CTTNBP2: variants seen among roughly 807,000 people sequenced by gnomAD.
CTTNBP2 encodes the protein cortactin binding protein 2.
Under a neutral mutation model 156.9 loss-of-function variants are expected in CTTNBP2, and 108 were observed. That is an observed-to-expected ratio of 0.69 (90% CI 0.59 to 0.81). The LOEUF is 0.81. Ranked by LOEUF, CTTNBP2 falls within the 30% of genes least tolerant of loss-of-function variation. The pLI is 0.00. For synonymous variants in CTTNBP2, 767 were observed against 751.8 expected (o/e 1.02, Z -0.33); for missense variants, 1,924 against 2,035.4 (o/e 0.95, Z 1.05).
chr7:117,820,519 A>G (rs2117023197), intron 2 of CTTNBP2, among the ~76,000 whole-genome samples: 1 of 152,316 alleles, frequency 6.6e-6, no homozygotes, highest in Non-Finnish European at 1.5e-5. Flanking sequence ...TTAGCTTTTA[A>G]GTTCATGATC....
intron 3 of CTTNBP2, among the ~76,000 whole-genome samples, chr7:117,800,127 C>A (rs533220534): frequency 3.3e-5 from 5 of 151,854 alleles, no homozygotes; most frequent in African/African-American, 7.3e-5. Context: ...TTTGGAGAAG[C>A]CAAATTGCCT....
chr7:117,739,629 G>A (rs980764105), intron 14 of CTTNBP2, among the ~76,000 whole-genome samples: 2 of 152,134 alleles, frequency 1.3e-5, no homozygotes, highest in Admixed American at 6.5e-5. Flanking sequence ...TTAGCATATC[G>A]CATTTCTAGC....
At chr7:117,839,009 T>A (rs970441200) in intron 2 of CTTNBP2, among the ~76,000 whole-genome samples, 81 of 151,910 alleles carry the variant, frequency 5.3e-4, no homozygotes, top group African/African-American at 1.6e-3. Flanking sequence ...AGGATTTTTT[T>A]AAAATCTTTA....
intron 1 of CTTNBP2, among the ~76,000 whole-genome samples, chr7:117,871,319 G>A (rs1376510883): frequency 6.6e-6 from 1 of 152,158 alleles, no homozygotes; most frequent in African/African-American, 2.4e-5. Context: ...ACTATTTGGA[G>A]AACTAAAATA....
intron 19 of CTTNBP2, among the ~76,000 whole-genome samples, chr7:117,722,824 G>A (rs1794879286): frequency 6.6e-6 from 1 of 152,120 alleles, no homozygotes; most frequent in Non-Finnish European, 1.5e-5. Context: ...AGGGTGTTGT[G>A]GACTACAGAA....
At chr7:117,742,514 G>A (rs1365125136) in intron 14 of CTTNBP2, among the ~76,000 whole-genome samples, 1 of 152,154 alleles carries the variant, frequency 6.6e-6, no homozygotes, top group Non-Finnish European at 1.5e-5. Flanking sequence ...GAAATCACAG[G>A]GATTTTAATC....
chr7:117,813,752 C>T (rs186488184), intron 2 of CTTNBP2, among the ~76,000 whole-genome samples: 3 of 152,262 alleles, frequency 2.0e-5, no homozygotes, highest in East Asian at 1.9e-4. Context: ...CTCTGAACCC[C>T]TTTTCTCTTC....
chr7:117,724,842 A>G, intron 18 of CTTNBP2, 110 bp from the exon 19 acceptor site: 1 of 1,314,864 alleles, frequency 7.6e-7, no homozygotes, highest in Non-Finnish European at 1.0e-6. Context: ...TTTATTTAGT[A>G]TCCAAGCTGG....
Position 117,760,577 on chromosome 7 carries a change from T to G in CTTNBP2, c.3030A>C (p.Ser1010=), listed in dbSNP as rs778671455. The G allele has an allele frequency of 3.1e-6, 5 of 1,614,170 alleles. No homozygotes were observed. In the East Asian group the frequency reaches 1.1e-4, roughly 36 times the overall value. The change falls in exon 10 of 23, where the codon TCA becomes TCC. Residue 1010 remains serine (S), a synonymous_variant. Coordinates refer to ENST00000160373, the MANE Select transcript of CTTNBP2 (RefSeq NM_033427.3). ...IRKQTSWDDF[S]KAVSQALTNH... Reference sequence around the variant, plus strand: ...TTGTCAGAGCTTGACTCACTGCTTTTGAAAAATCATCCCATGATGTCTGTT... The same window carrying G: ...TTGTCAGAGCTTGACTCACTGCTTTGGAAAAATCATCCCATGATGTCTGTT...
chr7:117,741,807 C>G (rs980078411), intron 14 of CTTNBP2, among the ~76,000 whole-genome samples: 1 of 152,202 alleles, frequency 6.6e-6, no homozygotes, highest in African/African-American at 2.4e-5. Flanking sequence ...CTTTCTACCT[C>G]GACTCTAAGC....
At chr7:117,745,532 T>C (rs556557668) in intron 14 of CTTNBP2, among the ~76,000 whole-genome samples, 1 of 152,308 alleles carries the variant, frequency 6.6e-6, no homozygotes, top group Admixed American at 6.5e-5. Flanking sequence ...CAATACCTAG[T>C]CCAGCTAGGG....
chr7:117,717,413 C>A (rs990649105), intron 22 of CTTNBP2, among the ~76,000 whole-genome samples: 1 of 151,112 alleles, frequency 6.6e-6, no homozygotes, highest in Non-Finnish European at 1.5e-5. Context: ...ATGCAGGAAA[C>A]CTTAGGAACA....
In CTTNBP2 at chr7:117,721,062, C is replaced by T; in HGVS notation, c.4511+5G>A. The T allele has an allele frequency of 1.3e-6, 2 of 1,575,974 alleles. No individual in the cohort carries two copies. Among genetic ancestry groups the T allele is most frequent in the South Asian group, 2.2e-5 (2 of 90,190 alleles). ...CTGTGAGTTAAATTTGAAAGGGGAA[C>T]TTACTTTTGTTTTGACAGAGAAGCA... On this transcript the variant is annotated splice_donor_5th_base_variant and intron_variant, in intron 20 of 22. Transcript: ENST00000160373.
intron 3 of CTTNBP2, among the ~76,000 whole-genome samples, chr7:117,795,561 G>A (rs1315436853): frequency 6.6e-6 from 1 of 152,146 alleles, no homozygotes; most frequent in East Asian, 1.9e-4. Context: ...TGTCAGTCAT[G>A]GCAATCACTC....
intron 8 of CTTNBP2, among the ~76,000 whole-genome samples, chr7:117,775,030 C>G (rs1301936163): frequency 6.6e-6 from 1 of 152,012 alleles, no homozygotes; most frequent in Non-Finnish European, 1.5e-5. Context: ...ATATCTTTGA[C>G]TAGGGGAGAA....
At chr7:117,869,867 A>C (rs1804461359) in intron 1 of CTTNBP2, among the ~76,000 whole-genome samples, 1 of 152,132 alleles carries the variant, frequency 6.6e-6, no homozygotes, top group South Asian at 2.1e-4. Context: ...TATTCCAGTC[A>C]ATTTCCTCAA....
intron 2 of CTTNBP2, among the ~76,000 whole-genome samples, chr7:117,832,807 C>T (rs1463002879): frequency 2.9e-5 from 4 of 136,594 alleles, no homozygotes; most frequent in East Asian, 2.2e-4. Context: ...AGTACAGTGG[C>T]GCAATCTCAG....
intron 2 of CTTNBP2, among the ~76,000 whole-genome samples, chr7:117,836,728 TTTAA>T (rs1482026716): frequency 6.6e-5 from 10 of 152,272 alleles, no homozygotes; most frequent in African/African-American, 2.4e-4. Flanking sequence ...AGGAAAGGGG[TTTAA>T]TTAATTCACA....
chr7:117,767,020 T>G (rs772745935), intron 9 of CTTNBP2, 39 bp downstream of exon 9: 1 of 1,096,280 alleles, frequency 9.1e-7, no homozygotes, highest in Non-Finnish European at 1.4e-6. Flanking sequence ...CCCAGCAGCA[T>G]AGGGGAAAGA....
Sources: gnomAD v4.1 joint callset for allele counts (sites outside exome capture counted in the v4.1 genomes callset) on GRCh38, gnomAD v4.1.1 for gene constraint, MANE v1.5 for transcripts, NCBI Gene and HGNC (gene_info 2026-07-23, HGNC 2026-07-21) for gene names.